Variants in MEF2C observed in about 807,000 individuals in gnomAD.
MEF2C encodes the protein myocyte enhancer factor 2C, also known as myocyte-specific enhancer factor 2C.
MEF2C carries 6 observed loss-of-function variants against 50.5 expected under a neutral mutation model. The observed-to-expected ratio is 0.12, with a 90% CI of 0.07 to 0.23. MEF2C has a LOEUF of 0.23. MEF2C is among the 10% of genes least tolerant of loss of function. The pLI is 1.00. For synonymous variants in MEF2C, 183 were observed against 228.0 expected (o/e 0.80, Z 1.78); for missense variants, 276 against 605.0 (o/e 0.46, Z 5.70).
chr5:88,818,698 C>T (rs1218301426), intron 2 of MEF2C, among the ~76,000 whole-genome samples: 5 of 152,012 alleles, frequency 3.3e-5, no homozygotes, highest in Non-Finnish European at 7.4e-5. Context: ...CTCACTCCTG[C>T]TCTGGTATCA....
At chr5:88,754,782 CA>C (rs1774493904) in intron 4 of MEF2C, among the ~76,000 whole-genome samples, 6 of 152,208 alleles carry the variant, frequency 3.9e-5, no homozygotes, top group Admixed American at 2.6e-4. Flanking sequence ...CTCCTCTGCT[CA>C]AAACCCTGTG....
intron 1 of MEF2C, among the ~76,000 whole-genome samples, chr5:88,837,788 C>T (rs1455661453): frequency 2.6e-5 from 4 of 152,100 alleles, no homozygotes; most frequent in African/African-American, 9.7e-5. Flanking sequence ...CAGCCTCAAG[C>T]AATATAAACA....
Position 88,721,339 on chromosome 5 carries a change from G to T in MEF2C, c.*1265C>A, listed in dbSNP as rs1378921901. On this transcript the variant is annotated 3_prime_UTR_variant, in exon 11 of 11. Coordinates refer to ENST00000504921, the MANE Select transcript of MEF2C (RefSeq NM_002397.5). ...AAAACAAAATAAAAATAGCATGAAAGAAACTAGTATATACAATGGATGTCA... is the reference window on the plus strand; with the variant it reads ...AAAACAAAATAAAAATAGCATGAAATAAACTAGTATATACAATGGATGTCA... 1.3e-5 allele frequency: 2 copies of T among 152,654 alleles called. No homozygotes were observed. The highest frequency in any genetic ancestry group is 2.9e-5 in the Non-Finnish European group (2 of 67,994). The allele number at this position is 152,654 out of a possible 1,614,324, so 9.5% of individuals were successfully genotyped here.
chr5:88,752,129 G>T (rs902190580), intron 4 of MEF2C, 86 bp from the exon 5 acceptor site: 3 of 1,271,096 alleles, frequency 2.4e-6, no homozygotes, highest in Non-Finnish European at 2.1e-6. Context: ...ATTTTTCCAA[G>T]AAAAATTCTA....
intron 1 of MEF2C, among the ~76,000 whole-genome samples, chr5:88,863,633 C>A (rs527801982): frequency 6.6e-6 from 1 of 152,276 alleles, no homozygotes; most frequent in African/African-American, 2.4e-5. Context: ...TGTCTTGTCT[C>A]CCCTTTCCCC....
intron 1 of MEF2C, among the ~76,000 whole-genome samples, chr5:88,858,210 G>A (rs559046477): frequency 8.6e-5 from 13 of 151,992 alleles, no homozygotes; most frequent in South Asian, 2.1e-4. Flanking sequence ...TTCCCTCCAC[G>A]CTCCTACATA....
chr5:88,883,564 G>A (rs550668992), upstream of MEF2C: 6 of 152,162 alleles, frequency 3.9e-5, no homozygotes, highest in African/African-American at 1.2e-4. Context: ...AGGGAAGACG[G>A]AGCACGAATG....
intron 6 of MEF2C, chr5:88,746,392 T>G (rs1486030177): frequency 2.1e-6 from 1 of 475,264 alleles, no homozygotes; most frequent in East Asian, 1.5e-4. Context: ...AGGCACAAAA[T>G]AAATGTTCAA....
intron 4 of MEF2C, among the ~76,000 whole-genome samples, chr5:88,760,476 C>T (rs1014333233): frequency 6.6e-6 from 1 of 152,164 alleles, no homozygotes; most frequent in African/African-American, 2.4e-5. Flanking sequence ...AGCTTTAACC[C>T]TTCAGTGCTG....
chr5:88,800,181 A>T, intron 3 of MEF2C, among the ~76,000 whole-genome samples: 1 of 152,028 alleles, frequency 6.6e-6, no homozygotes. Flanking sequence ...ATACTCCCAT[A>T]AGGATTTTGT....
At chr5:88,866,454 CCT>C (rs1827421420) in intron 1 of MEF2C, among the ~76,000 whole-genome samples, 1 of 152,168 alleles carries the variant, frequency 6.6e-6, no homozygotes, top group Non-Finnish European at 1.5e-5. Flanking sequence ...CTCTGGCCAG[CCT>C]CTCTGTCCTC....
chr5:88,806,110 T>C (rs1482207942), intron 2 of MEF2C, among the ~76,000 whole-genome samples: 2 of 152,144 alleles, frequency 1.3e-5, no homozygotes, highest in Non-Finnish European at 2.9e-5. Flanking sequence ...TATTTATTTA[T>C]TTTGAGGAGC....
At chr5:88,886,359 C>G (rs970547817), upstream of MEF2C, among the ~76,000 whole-genome samples, 1 of 152,302 alleles carries the variant, frequency 6.6e-6, no homozygotes, top group Admixed American at 6.5e-5. Context: ...TCCTTGCCAT[C>G]TAATGATACT....
At position 88,743,421 on chromosome 5, in the gene MEF2C, A is replaced by G. The variant is rs144743151; in HGVS notation, c.637+5649T>C. The stretch of plus-strand genomic sequence containing the variant: ...GTATTCTTGAAAACAAATACTTGCA[A>G]AACAATGGTGCTGGTACAGAAAAAT... On this transcript the variant is annotated intron_variant, in intron 6 of 10. Transcript: ENST00000504921. 5.2e-5 allele frequency: 51 copies of G among 985,422 alleles called. No homozygotes were observed. The East Asian group carries it at 4.5e-3, about 88-fold the overall frequency. The allele number at this position is 985,422 out of a possible 1,614,324, so 61.0% of individuals were successfully genotyped here.
chr5:88,730,537 G>C (rs560328115), intron 7 of MEF2C, among the ~76,000 whole-genome samples: 1 of 152,238 alleles, frequency 6.6e-6, no homozygotes, highest in Non-Finnish European at 1.5e-5. Flanking sequence ...TCACTTGCTG[G>C]AGGAAGGGGA....
At chr5:88,785,774 T>G (rs1012341171) in intron 3 of MEF2C, among the ~76,000 whole-genome samples, 5 of 151,694 alleles carry the variant, frequency 3.3e-5, no homozygotes, top group African/African-American at 1.2e-4. Flanking sequence ...GTTAGTTATT[T>G]ATGGCAGTTT....
chr5:88,741,592 A>T, intron 6 of MEF2C: 1 of 983,980 alleles, frequency 1.0e-6, no homozygotes, highest in Non-Finnish European at 1.2e-6. Context: ...ATTGTTATGT[A>T]AATTAATGTT....
intron 1 of MEF2C, among the ~76,000 whole-genome samples, chr5:88,880,618 G>C (rs568601069): frequency 6.6e-6 from 1 of 152,212 alleles, no homozygotes; most frequent in South Asian, 2.1e-4. Flanking sequence ...AGAAAGATAC[G>C]TTTGCAGTGT....
At chr5:88,811,717 T>C (rs948584282) in intron 2 of MEF2C, among the ~76,000 whole-genome samples, 4 of 152,090 alleles carry the variant, frequency 2.6e-5, no homozygotes, top group African/African-American at 7.2e-5. Flanking sequence ...AGAATTTGAG[T>C]AGACAACATT....
Sources: allele counts gnomAD v4.1 joint callset (sites outside exome capture counted in the v4.1 genomes callset), GRCh38; gene constraint gnomAD v4.1.1; transcripts MANE v1.5; gene names NCBI Gene and HGNC (gene_info 2026-07-23, HGNC 2026-07-21).